The following TSHZ2 variants were observed in gnomAD, a reference collection of about 807,000 sequenced individuals.
The protein encoded by TSHZ2 is teashirt zinc finger homeobox 2.
In TSHZ2, 21 loss-of-function variants were observed where a neutral mutation model predicts 74.4. That is an observed-to-expected ratio of 0.28 (90% CI 0.20 to 0.41). TSHZ2 has a LOEUF of 0.41. Among genes scored for constraint, TSHZ2 ranks in the 10% least tolerant of loss-of-function variants. TSHZ2 has a pLI of 1.00. For synonymous variants in TSHZ2, 540 were observed against 515.3 expected, an observed-to-expected ratio of 1.05 and a Z score of -0.65; for missense variants, 1,244 against 1,293.5, an observed-to-expected ratio of 0.96 and a Z score of 0.59.
intron 2 of TSHZ2, among the ~76,000 whole-genome samples, chr20:53,422,829 C>G (rs1983525846): frequency 6.6e-6 from 1 of 152,184 alleles, no homozygotes; most frequent in South Asian, 2.1e-4. Flanking sequence ...CTTCAATATA[C>G]AGTCAGGACT....
chr20:53,017,114 G>C (rs1381020040), intron 1 of TSHZ2, among the ~76,000 whole-genome samples: 1 of 152,130 alleles, frequency 6.6e-6, no homozygotes, highest in Non-Finnish European at 1.5e-5. Context: ...CACCATTATT[G>C]AAGTTTGCCT....
chr20:53,338,384 C>A (rs940761576), intron 2 of TSHZ2, among the ~76,000 whole-genome samples: 2 of 152,200 alleles, frequency 1.3e-5, no homozygotes, highest in African/African-American at 4.8e-5. Context: ...CCTATGATGA[C>A]TGCCTGGGTC....
intron 2 of TSHZ2, among the ~76,000 whole-genome samples, chr20:53,340,907 C>T (rs2145567973): frequency 6.6e-6 from 1 of 152,340 alleles, no homozygotes; most frequent in African/African-American, 2.4e-5. Context: ...GTTCTCCAGA[C>T]ATCAACTCCT....
At position 53,254,230 on chromosome 20, in the gene TSHZ2, C is replaced by A; in HGVS notation, c.772C>A (p.Pro258Thr). The A allele has an allele frequency of 6.2e-7, 1 of 1,614,110 alleles. No individual in the cohort carries two copies. The highest frequency in any genetic ancestry group is 1.1e-5 in the South Asian group (1 of 91,072). Residue 258 changes from proline (P) to threonine (T), a missense_variant, in exon 2 of 3, where the codon CCC becomes ACC. Around this residue, in one of 6 missense-constraint regions of TSHZ2, gnomAD observed 470 missense variants for 456.5 expected, o/e 1.03. Coordinates refer to ENST00000371497, the MANE Select transcript of TSHZ2 (RefSeq NM_173485.6). Reference protein sequence around the residue: ...DKLRPTSYSKPRKRAFQDMDK... With the variant: ...DKLRPTSYSKTRKRAFQDMDK... The stretch of plus-strand genomic sequence containing the variant: ...GCTCAGACCCACGAGCTATTCAAAG[C>A]CCAGGAAAAGGGCTTTCCAGGATAT...
intron 1 of TSHZ2, chr20:53,185,749 G>T: frequency 1.3e-6 from 2 of 1,528,116 alleles, no homozygotes; most frequent in South Asian, 2.4e-5. Flanking sequence ...TGGATGTTCA[G>T]TTGCCCTTCA....
intron 1 of TSHZ2, among the ~76,000 whole-genome samples, chr20:53,048,103 C>A (rs1038177287): frequency 1.3e-5 from 2 of 152,164 alleles, no homozygotes; most frequent in Non-Finnish European, 2.9e-5. Flanking sequence ...TTCCTCTCCG[C>A]TCAACATTCT....
chr20:53,235,288 C>T (rs1989917485), intron 1 of TSHZ2, among the ~76,000 whole-genome samples: 1 of 152,084 alleles, frequency 6.6e-6, no homozygotes, highest in South Asian at 2.1e-4. Flanking sequence ...CCACCTCAGC[C>T]TCCCAAGTAG....
intron 1 of TSHZ2, among the ~76,000 whole-genome samples, chr20:53,140,575 C>T (rs1227806595): frequency 2.0e-5 from 3 of 149,856 alleles, no homozygotes; most frequent in Non-Finnish European, 4.4e-5. Context: ...GAGGGACAGT[C>T]ACGAAGACCT....
intron 1 of TSHZ2, among the ~76,000 whole-genome samples, chr20:53,170,062 G>T (rs1025514257): frequency 2.0e-5 from 3 of 152,174 alleles, no homozygotes; most frequent in Non-Finnish European, 1.5e-5. Context: ...TTGGAAAACA[G>T]ATGTGAAAAC....
At chr20:53,061,331 T>C (rs914970156) in intron 1 of TSHZ2, among the ~76,000 whole-genome samples, 2 of 152,204 alleles carry the variant, frequency 1.3e-5, no homozygotes, top group African/African-American at 2.4e-5. Flanking sequence ...GAGTCCATTG[T>C]AGGGGCTCAA....
At chr20:53,291,247 G>A (rs1406556832) in intron 2 of TSHZ2, among the ~76,000 whole-genome samples, 1 of 152,112 alleles carries the variant, frequency 6.6e-6, no homozygotes, top group East Asian at 1.9e-4. Flanking sequence ...CGAGATGGGT[G>A]GATTGCTTGA....
chr20:53,226,119 AACACACACACACACACAC>A (rs11470731), intron 1 of TSHZ2, among the ~76,000 whole-genome samples: 10 of 147,538 alleles, frequency 6.8e-5, no homozygotes, highest in South Asian at 2.2e-4. Flanking sequence ...GACTAAATTT[AACACACACACACACACAC>A]ACACACACAC....
intron 2 of TSHZ2, among the ~76,000 whole-genome samples, chr20:53,417,273 CA>C (rs1983300158): frequency 1.3e-5 from 2 of 151,104 alleles, no homozygotes; most frequent in African/African-American, 2.4e-5. Context: ...CACACACACA[CA>C]CACACCATAG....
At chr20:53,330,245 TAAG>T (rs1423281905) in intron 2 of TSHZ2, among the ~76,000 whole-genome samples, 1 of 152,194 alleles carries the variant, frequency 6.6e-6, no homozygotes, top group Non-Finnish European at 1.5e-5. Context: ...CAAGGAAATG[TAAG>T]AAGAAGCCCA....
intron 2 of TSHZ2, among the ~76,000 whole-genome samples, chr20:53,372,087 T>C (rs465880): frequency 0.61 from 93,001 of 151,880 alleles, 32,983 homozygotes; most frequent in South Asian, 0.8. Flanking sequence ...GAGTCTGACC[T>C]CATCTTAATT....
chr20:53,051,453 G>GCA (rs1343176322), intron 1 of TSHZ2, among the ~76,000 whole-genome samples: 5,016 of 102,892 alleles, frequency 0.049, 116 homozygotes, highest in Non-Finnish European at 0.059. Flanking sequence ...ACTCTGTGGC[G>GCA]CACGCACACA....
chr20:53,322,916 T>C (rs1979328704), intron 2 of TSHZ2, among the ~76,000 whole-genome samples: 1 of 152,182 alleles, frequency 6.6e-6, no homozygotes, highest in Non-Finnish European at 1.5e-5. Context: ...GAAACCAGTA[T>C]CTTTGGGGCT....
chr20:53,270,527 A>G (rs1389788301), intron 2 of TSHZ2, among the ~76,000 whole-genome samples: 1 of 152,156 alleles, frequency 6.6e-6, no homozygotes, highest in Admixed American at 6.5e-5. Flanking sequence ...AGACAAATGG[A>G]GGATTTGCCT....
chr20:53,442,496 A>C (rs1004756135), intron 2 of TSHZ2, among the ~76,000 whole-genome samples: 1 of 152,164 alleles, frequency 6.6e-6, no homozygotes, highest in Admixed American at 6.5e-5. Flanking sequence ...CAGTGCACGG[A>C]TTCTATTAGG....
Sources: gnomAD v4.1 joint callset for allele counts (sites outside exome capture counted in the v4.1 genomes callset) on GRCh38, gnomAD v4.1.1 for gene constraint, gnomAD v4.1.1 regional missense constraint, MANE v1.5 for transcripts, NCBI Gene and HGNC (gene_info 2026-07-23, HGNC 2026-07-21) for gene names.